The following BFSP2 variants were observed in gnomAD, a reference collection of about 807,000 sequenced individuals.
The protein encoded by BFSP2 is beaded filament structural protein 2, also known as phakinin.
Under a neutral mutation model 44.9 loss-of-function variants are expected in BFSP2, and 38 were observed. The observed-to-expected ratio is 0.85, with a 90% CI of 0.65 to 1.11. BFSP2 has a LOEUF of 1.11. Among genes scored for constraint, BFSP2 ranks in the 50% least tolerant of loss-of-function variants. The probability of loss-of-function intolerance (pLI) is 0.00; values close to 1 mark genes in which losing one functional copy is unlikely to be tolerated. For missense variants in BFSP2, 525 were observed against 533.0 expected (o/e 0.99, Z 0.15); for synonymous variants, 197 against 209.9 (o/e 0.94, Z 0.53).
chr3:133,435,454 A>T (rs1045710622), intron 1 of BFSP2, among the ~76,000 whole-genome samples: 3 of 152,090 alleles, frequency 2.0e-5, no homozygotes, highest in Non-Finnish European at 4.4e-5. Flanking sequence ...TGTCTTCAGG[A>T]TTGTACTGGT....
chr3:133,462,962 A>T (rs1467288930), intron 4 of BFSP2, among the ~76,000 whole-genome samples: 1 of 152,204 alleles, frequency 6.6e-6, no homozygotes, highest in Admixed American at 6.5e-5. Context: ...AAGGGCATAA[A>T]GCAGAAGAGA....
intron 1 of BFSP2, among the ~76,000 whole-genome samples, chr3:133,414,959 CCTCTACTCACCCCTGCCATCTCT>C (rs2073501477): frequency 7.1e-6 from 1 of 141,196 alleles, no homozygotes; most frequent in African/African-American, 2.8e-5. Flanking sequence ...TGCCATCTCC[CCTCTACTCACCCCTGCCATCTCT>C]CCTCTACTCA....
chr3:133,416,649 T>C (rs1235473429), intron 1 of BFSP2, among the ~76,000 whole-genome samples: 262 of 35,660 alleles, frequency 7.3e-3, no homozygotes, highest in East Asian at 0.011. Flanking sequence ...TCTACTCACC[T>C]CTGTCCTCTC....
At chr3:133,439,462 T>C (rs2073823320) in intron 1 of BFSP2, among the ~76,000 whole-genome samples, 2 of 152,152 alleles carry the variant, frequency 1.3e-5, no homozygotes, top group African/African-American at 2.4e-5. Context: ...AAATCAGTGA[T>C]GGAGAAAGGC....
At chr3:133,418,591 T>C (rs911935166) in intron 1 of BFSP2, among the ~76,000 whole-genome samples, 4 of 152,088 alleles carry the variant, frequency 2.6e-5, no homozygotes, top group Admixed American at 6.6e-5. Context: ...CTGGGTGCAG[T>C]TGGCCCAGAT....
At chr3:133,421,873 C>A (rs1321758642) in intron 1 of BFSP2, among the ~76,000 whole-genome samples, 1 of 152,124 alleles carries the variant, frequency 6.6e-6, no homozygotes, top group East Asian at 1.9e-4. Flanking sequence ...CTTTGGGAGG[C>A]CAAGGCGGGT....
chr3:133,407,884 T>A (rs969903598), intron 1 of BFSP2, among the ~76,000 whole-genome samples: 3 of 152,142 alleles, frequency 2.0e-5, no homozygotes, highest in Non-Finnish European at 4.4e-5. Flanking sequence ...CAGTTCTAAA[T>A]GTATCCTAGA....
In BFSP2 at chr3:133,465,057, G is replaced by T. The variant is rs1375353623; in HGVS notation, c.892-1771G>T. Among the ~76,000 whole-genome samples the T allele has an allele frequency of 2.7e-5, 4 of 148,686 alleles. No individual in the cohort carries two copies. The South Asian group carries it at 8.5e-4, about 32-fold the overall frequency. On this transcript the variant is annotated intron_variant, in intron 4 of 6. Coordinates refer to ENST00000302334, the MANE Select transcript of BFSP2 (RefSeq NM_003571.4). ...GAGTCTCACTGTCACCCAGGCTGGA[G>T]TGCAGTGGTGCCATCTCGGCTCACT...
At chr3:133,434,415 C>G (rs533118861) in intron 1 of BFSP2, among the ~76,000 whole-genome samples, 1 of 152,086 alleles carries the variant, frequency 6.6e-6, no homozygotes, top group Non-Finnish European at 1.5e-5. Flanking sequence ...TAATCCCGCT[C>G]GAAGCAGCCC....
At chr3:133,463,514 T>G (rs1483212646) in intron 4 of BFSP2, among the ~76,000 whole-genome samples, 1 of 152,234 alleles carries the variant, frequency 6.6e-6, no homozygotes, top group Non-Finnish European at 1.5e-5. Context: ...GATGGCCTGC[T>G]AGCACTTCGG....
At chr3:133,431,863 C>A (rs965104186) in intron 1 of BFSP2, among the ~76,000 whole-genome samples, 21 of 152,240 alleles carry the variant, frequency 1.4e-4, no homozygotes, top group African/African-American at 3.1e-4. Context: ...TTATCCCCAC[C>A]TGCCCCGTTC....
chr3:133,425,982 AGGCAGGGCAGGGCAGGGCAGG>A (rs1315776271), intron 1 of BFSP2, among the ~76,000 whole-genome samples: 22 of 932 alleles, frequency 0.024, 8 homozygotes, highest in African/African-American at 0.036. Context: ...GGGGAGGGGA[AGGCAGGGCAGGGCAGGGCAGG>A]GAAAGGAAGG....
At chr3:133,436,754 G>A (rs56363868) in intron 1 of BFSP2, among the ~76,000 whole-genome samples, 16,320 of 151,798 alleles carry the variant, frequency 0.11, 653 homozygotes, top group Middle Eastern at 0.17. Flanking sequence ...ATCCCTCCCC[G>A]CTTCCCCCAC....
At chr3:133,463,418 A>T (rs1576596379) in intron 4 of BFSP2, among the ~76,000 whole-genome samples, 1 of 152,338 alleles carries the variant, frequency 6.6e-6, no homozygotes, top group South Asian at 2.1e-4. Context: ...TGACCTTTTG[A>T]CTTGGGGATT....
At chr3:133,425,628 C>CT (rs2073637188) in intron 1 of BFSP2, among the ~76,000 whole-genome samples, 2 of 151,996 alleles carry the variant, frequency 1.3e-5, no homozygotes. Context: ...CCCTCACTTT[C>CT]TCCCCTGCCC....
At chr3:133,468,877 G>T (rs554377448) in intron 5 of BFSP2, among the ~76,000 whole-genome samples, 19 of 152,342 alleles carry the variant, frequency 1.2e-4, no homozygotes, top group African/African-American at 4.1e-4. Context: ...GATCGTAATA[G>T]AATTTACCTC....
chr3:133,439,718 G>A (rs2073825929), intron 1 of BFSP2, among the ~76,000 whole-genome samples: 1 of 152,212 alleles, frequency 6.6e-6, no homozygotes, highest in South Asian at 2.1e-4. Context: ...CATGGTTGGG[G>A]AGTGAGGGAA....
intron 2 of BFSP2, 89 bp downstream of exon 2, chr3:133,447,488 C>T: frequency 1.5e-6 from 2 of 1,300,954 alleles, no homozygotes; most frequent in South Asian, 2.6e-5. Flanking sequence ...CCTGCATCAT[C>T]CACCTTCTAC....
chr3:133,415,751 C>G (rs1361675779), intron 1 of BFSP2, among the ~76,000 whole-genome samples: 1 of 142,648 alleles, frequency 7.0e-6, no homozygotes, highest in Non-Finnish European at 1.5e-5. Flanking sequence ...GCCATCTCCC[C>G]TCTATTCATC....
Sources: gnomAD v4.1 joint callset for allele counts (sites outside exome capture counted in the v4.1 genomes callset) on GRCh38, gnomAD v4.1.1 for gene constraint, MANE v1.5 for transcripts, NCBI Gene and HGNC (gene_info 2026-07-23, HGNC 2026-07-21) for gene names.